Variants in RADX observed in about 807,000 individuals in gnomAD.
RADX encodes RPA1 related single stranded DNA binding protein, X-linked.
In RADX, 36 loss-of-function variants were observed where a neutral mutation model predicts 61.6. The observed-to-expected ratio is 0.58, with a 90% CI of 0.45 to 0.77. The LOEUF (loss-of-function observed/expected upper bound fraction) is 0.77, where lower values mean the gene tolerates loss of function less well. Ranked by LOEUF, RADX falls within the 30% of genes least tolerant of loss-of-function variation. The pLI is 0.00. For synonymous variants in RADX, 272 were observed against 237.9 expected, an observed-to-expected ratio of 1.14 and a Z score of -1.32; for missense variants, 497 against 651.1, an observed-to-expected ratio of 0.76 and a Z score of 2.58.
chrX:106,676,991 C>T (rs1357290916), intron 13 of RADX, among the ~76,000 whole-genome samples: 1 of 112,074 alleles, frequency 8.9e-6, no homozygotes, highest in Non-Finnish European at 1.9e-5. Flanking sequence ...TTTTGGTTTG[C>T]TTCTTGCTTG....
intron 11 of RADX, among the ~76,000 whole-genome samples, chrX:106,661,337 C>A (rs765022253): frequency 9.6e-6 from 1 of 104,115 alleles, no homozygotes; most frequent in East Asian, 3.0e-4. Flanking sequence ...TAAATGGCCC[C>A]TTTGTTTTTC....
intron 13 of RADX, among the ~76,000 whole-genome samples, chrX:106,670,113 T>C (rs755013387): frequency 1.8e-4 from 20 of 111,741 alleles, no homozygotes; most frequent in African/African-American, 6.2e-4. Flanking sequence ...CTGTGCCTGA[T>C]GACAAAGTAA....
chrX:106,656,012 A>G (rs1194584015), intron 11 of RADX, among the ~76,000 whole-genome samples: 1 of 112,344 alleles, frequency 8.9e-6, no homozygotes, highest in African/African-American at 3.2e-5. Flanking sequence ...ATGCTGTTTG[A>G]CAGCATTTTA....
intron 6 of RADX, among the ~76,000 whole-genome samples, chrX:106,634,382 C>G (rs751860831): frequency 2.2e-4 from 24 of 111,288 alleles, no homozygotes; most frequent in Non-Finnish European, 4.3e-4. Flanking sequence ...GATCTGCCCA[C>G]CTCAGCCTCC....
At chrX:106,621,610 T>A (rs1396056970) in intron 1 of RADX, among the ~76,000 whole-genome samples, 1 of 111,941 alleles carries the variant, frequency 8.9e-6, no homozygotes, top group African/African-American at 3.2e-5. Flanking sequence ...AGCTTGCAGA[T>A]AAAAACATTT....
rs1927364471 is a variant in RADX at position 106,636,589 on chromosome X, T to C, written c.1350T>C (p.Asn450=). ...CTQLKVVRND[N]QVPKLLYLTT... ...AGTTGAAAGTTGTCAGAAATGACAA[T>C]CAAGTACCTAAGCTGCTTTACCTCA... The change falls in exon 7 of 14, where the codon AAT becomes AAC. Residue 450 remains asparagine (N), a synonymous_variant. Transcript: ENST00000372548. 1 of 1,203,999 alleles carries C rather than the reference T, an allele frequency of 8.3e-7. No homozygotes were observed.
chrX:106,637,458 A>T (rs1414246920), intron 7 of RADX, among the ~76,000 whole-genome samples: 1 of 112,007 alleles, frequency 8.9e-6, no homozygotes, highest in Non-Finnish European at 1.9e-5. Flanking sequence ...AACCATTTGG[A>T]TGGTTAGAAA....
intron 1 of RADX, 141 bp from the exon 2 acceptor site, chrX:106,622,510 T>C: frequency 2.1e-6 from 1 of 481,475 alleles, no homozygotes; most frequent in Non-Finnish European, 3.5e-6. Flanking sequence ...TGAGAGGTAA[T>C]AGACTTAGCT....
chrX:106,678,490 C>T lies in RADX; in HGVS notation c.*232C>T, dbSNP rs1928564091. ...AATTTTTGTGTATAAGGGAATTTAC[C>T]TTGCTTACCTTACTAGTATGACTAT... On this transcript the variant is annotated 3_prime_UTR_variant, in exon 14 of 14. Transcript: ENST00000372548. The T allele has an allele frequency of 7.8e-6, 2 of 258,061 alleles. No homozygotes were observed. Among genetic ancestry groups the T allele is most frequent in the Admixed American group, 1.2e-4 (2 of 17,340 alleles). 21.3% of individuals were successfully genotyped at this position (258,061 alleles called of 1,213,427 possible). A position where few individuals can be genotyped will look rare whatever the true frequency, so the allele number is the denominator to read the frequency against.
chrX:106,625,619 A>G (rs1467733646), intron 3 of RADX, among the ~76,000 whole-genome samples: 1 of 111,861 alleles, frequency 8.9e-6, no homozygotes, highest in Non-Finnish European at 1.9e-5. Flanking sequence ...GGTGCTATCT[A>G]AAAAGAACTT....
rs1928450713 is a variant in RADX, at chrX:106,674,360, G to T, written c.2438-3768G>T. 5.4e-5 allele frequency among the ~76,000 whole-genome samples: 6 copies of T among 111,729 alleles called. No homozygotes were observed. The Admixed American group carries it at 5.7e-4, about 11-fold the overall frequency. ...TCTATGTTTCACTTTTTGAGGAACT[G>T]CCAAGCTTTCTCATAGCAGCTGCAC... On this transcript the variant is annotated intron_variant, in intron 13 of 13. Transcript: ENST00000372548.
At chrX:106,618,451 AATGCTATTGGTACAGAGACCAC>A (rs1252333657) in intron 1 of RADX, among the ~76,000 whole-genome samples, 1 of 110,805 alleles carries the variant, frequency 9.0e-6, no homozygotes, top group African/African-American at 3.3e-5. Context: ...TGATGGTAAC[AATGCTATTGGTACAGAGACCAC>A]ACTTTGAGAA....
At chrX:106,620,951 G>A (rs1005876909) in intron 1 of RADX, among the ~76,000 whole-genome samples, 1 of 111,952 alleles carries the variant, frequency 8.9e-6, no homozygotes, top group Non-Finnish European at 1.9e-5. Flanking sequence ...TGGGAAAAAT[G>A]TTAACCAGAA....
chrX:106,627,282 CT>C (rs1241978250), intron 3 of RADX, among the ~76,000 whole-genome samples: 1 of 111,784 alleles, frequency 8.9e-6, no homozygotes, highest in African/African-American at 3.3e-5. Context: ...GCTTTATGAT[CT>C]TTAAACATTA....
intron 11 of RADX, among the ~76,000 whole-genome samples, chrX:106,658,288 A>G (rs1927999585): frequency 8.9e-6 from 1 of 111,861 alleles, no homozygotes; most frequent in African/African-American, 3.2e-5. Context: ...GAGAAATGAG[A>G]AGAGTCAAGG....
chrX:106,626,366 C>A (rs183557664), intron 3 of RADX, among the ~76,000 whole-genome samples: 35 of 111,838 alleles, frequency 3.1e-4, no homozygotes, highest in African/African-American at 1.1e-3. Context: ...TTATTAAAAT[C>A]TTAAGCGTTT....
chrX:106,673,066 A>G (rs369656405), intron 13 of RADX, among the ~76,000 whole-genome samples: 23 of 111,603 alleles, frequency 2.1e-4, no homozygotes, highest in Admixed American at 1.6e-3. Flanking sequence ...CAGAAATACC[A>G]TCTAAGAGCC....
chrX:106,651,381 A>G (rs953336487), intron 11 of RADX, among the ~76,000 whole-genome samples: 4 of 111,526 alleles, frequency 3.6e-5, no homozygotes, highest in Non-Finnish European at 7.5e-5. Context: ...GTGACGGTGA[A>G]ATAAAGATAT....
intron 11 of RADX, among the ~76,000 whole-genome samples, chrX:106,657,118 T>A (rs1318104537): frequency 8.9e-6 from 1 of 112,632 alleles, no homozygotes; most frequent in Non-Finnish European, 1.9e-5. Context: ...CTGGATTTTC[T>A]GAATAACTTG....
Sources: allele counts gnomAD v4.1 joint callset (sites outside exome capture counted in the v4.1 genomes callset), GRCh38; gene constraint gnomAD v4.1.1; transcripts MANE v1.5; gene names NCBI Gene and HGNC (gene_info 2026-07-23, HGNC 2026-07-21).